The following DOK6 variants were observed in gnomAD, a reference collection of about 807,000 sequenced individuals.
DOK6 encodes downstream of tyrosine kinase 6.
In DOK6, 22 loss-of-function variants were observed where a neutral mutation model predicts 44.0. That is an observed-to-expected ratio of 0.50 (90% CI 0.36 to 0.71). The LOEUF (loss-of-function observed/expected upper bound fraction) is 0.71, where lower values mean the gene tolerates loss of function less well. DOK6 is among the 30% of genes least tolerant of loss of function. The probability of loss-of-function intolerance (pLI) is 0.00; values close to 1 mark genes in which losing one functional copy is unlikely to be tolerated. For missense variants in DOK6, 340 were observed against 416.4 expected, an observed-to-expected ratio of 0.82 and a Z score of 1.60; for synonymous variants, 166 against 145.5, an observed-to-expected ratio of 1.14 and a Z score of -1.01.
At chr18:69,714,328 A>C (rs1262547930) in intron 5 of DOK6, among the ~76,000 whole-genome samples, 1 of 152,146 alleles carries the variant, frequency 6.6e-6, no homozygotes, top group East Asian at 1.9e-4. Context: ...GAGCCAGACA[A>C]TGCACACCCG....
At chr18:69,758,938 A>G (rs887740467) in intron 7 of DOK6, among the ~76,000 whole-genome samples, 1 of 152,218 alleles carries the variant, frequency 6.6e-6, no homozygotes, top group African/African-American at 2.4e-5. Flanking sequence ...CAGGGTTTCC[A>G]AACTAGACTA....
chr18:69,576,330 C>T (rs1983238222), intron 2 of DOK6, among the ~76,000 whole-genome samples: 3 of 151,360 alleles, frequency 2.0e-5, no homozygotes, highest in Admixed American at 6.6e-5. Flanking sequence ...TGTAACTAAG[C>T]AGTTACTTTG....
At chr18:69,707,333 T>G (rs1986656859) in intron 5 of DOK6, among the ~76,000 whole-genome samples, 1 of 152,226 alleles carries the variant, frequency 6.6e-6, no homozygotes, top group South Asian at 2.1e-4. Context: ...TGGAAAAAAC[T>G]ACTTTAAAGT....
intron 7 of DOK6, among the ~76,000 whole-genome samples, chr18:69,795,235 C>T (rs1286068076): frequency 2.0e-5 from 3 of 152,024 alleles, no homozygotes; most frequent in Non-Finnish European, 1.5e-5. Context: ...TCTTAAACAA[C>T]CAAGACAAGC....
chr18:69,745,592 A>C (rs1249302096), intron 6 of DOK6, among the ~76,000 whole-genome samples: 2 of 152,208 alleles, frequency 1.3e-5, no homozygotes, highest in Non-Finnish European at 2.9e-5. Flanking sequence ...GGATGTGTTC[A>C]GTGAACACAG....
intron 7 of DOK6, among the ~76,000 whole-genome samples, chr18:69,821,344 A>C (rs1662634783): frequency 6.6e-6 from 1 of 152,156 alleles, no homozygotes; most frequent in Non-Finnish European, 1.5e-5. Flanking sequence ...TTATGTCTGC[A>C]TCTTTTAGGT....
intron 3 of DOK6, among the ~76,000 whole-genome samples, chr18:69,602,654 T>C (rs929480539): frequency 3.3e-5 from 5 of 152,200 alleles, no homozygotes; most frequent in Non-Finnish European, 5.9e-5. Flanking sequence ...TAATAGAAGA[T>C]AGATATAGGC....
At chr18:69,716,480 C>T (rs1300956013) in intron 5 of DOK6, among the ~76,000 whole-genome samples, 3 of 152,124 alleles carry the variant, frequency 2.0e-5, no homozygotes, top group Non-Finnish European at 4.4e-5. Flanking sequence ...AAAACCTTAA[C>T]CCCTGAAATA....
intron 1 of DOK6, among the ~76,000 whole-genome samples, chr18:69,540,525 C>T (rs1982240425): frequency 6.6e-6 from 1 of 152,038 alleles, no homozygotes; most frequent in Non-Finnish European, 1.5e-5. Flanking sequence ...CTTGGTGGAT[C>T]CTTGTATTAA....
At chr18:69,718,561 T>A (rs891458144) in intron 5 of DOK6, among the ~76,000 whole-genome samples, 36 of 152,164 alleles carry the variant, frequency 2.4e-4, no homozygotes, top group African/African-American at 8.4e-4. Flanking sequence ...AGAAATTGTT[T>A]CTCTACCATT....
intron 1 of DOK6, among the ~76,000 whole-genome samples, chr18:69,534,541 G>T (rs1982068599): frequency 6.6e-6 from 1 of 150,488 alleles, no homozygotes. Context: ...TTTATGCATG[G>T]GAACTGATTC....
chr18:69,828,443 A>T (rs1285264921), intron 7 of DOK6, among the ~76,000 whole-genome samples: 1 of 151,888 alleles, frequency 6.6e-6, no homozygotes, highest in Non-Finnish European at 1.5e-5. Context: ...AGTTGTAGAA[A>T]ATTAATATCT....
intron 3 of DOK6, among the ~76,000 whole-genome samples, chr18:69,638,993 T>TTATAATC (rs1984877337): frequency 6.6e-6 from 1 of 152,234 alleles, no homozygotes; most frequent in Non-Finnish European, 1.5e-5. Flanking sequence ...TTTTGTTTTT[T>TTATAATC]CTTTTTTTAT....
At chr18:69,578,706 G>A (rs1192574662) in intron 2 of DOK6, among the ~76,000 whole-genome samples, 1 of 152,112 alleles carries the variant, frequency 6.6e-6, no homozygotes, top group Non-Finnish European at 1.5e-5. Context: ...TATGACAGAT[G>A]CAACAGGAGA....
intron 6 of DOK6, among the ~76,000 whole-genome samples, chr18:69,745,077 T>C (rs1041565049): frequency 2.0e-5 from 3 of 152,106 alleles, no homozygotes; most frequent in Non-Finnish European, 2.9e-5. Context: ...TGAGTAAAAA[T>C]TAGACTATCA....
chr18:69,592,867 T>C (rs1983653863), intron 2 of DOK6, among the ~76,000 whole-genome samples: 1 of 152,158 alleles, frequency 6.6e-6, no homozygotes, highest in Non-Finnish European at 1.5e-5. Context: ...TTATGTTACA[T>C]TGACAGGTTT....
intron 3 of DOK6, among the ~76,000 whole-genome samples, chr18:69,602,663 G>C (rs973595841): frequency 3.3e-5 from 5 of 152,008 alleles, no homozygotes; most frequent in Admixed American, 2.6e-4. Context: ...ATAGATATAG[G>C]CTATATAGGA....
At chr18:69,451,151 G>A (rs1200331959) in intron 1 of DOK6, among the ~76,000 whole-genome samples, 1 of 149,040 alleles carries the variant, frequency 6.7e-6, no homozygotes, top group Non-Finnish European at 1.5e-5. Flanking sequence ...TCAGTGTGCT[G>A]TATTCAGGAA....
At chr18:69,416,205 GGAAGGAAC>G (rs1568250445) in intron 1 of DOK6, among the ~76,000 whole-genome samples, 7 of 145,662 alleles carry the variant, frequency 4.8e-5, no homozygotes, top group African/African-American at 1.9e-4. Flanking sequence ...AAGGAAGGAA[GGAAGGAAC>G]GAAGGAAGGA....
Sources: gnomAD v4.1 joint callset for allele counts (sites outside exome capture counted in the v4.1 genomes callset) on GRCh38, gnomAD v4.1.1 for gene constraint, MANE v1.5 for transcripts, NCBI Gene and HGNC (gene_info 2026-07-23, HGNC 2026-07-21) for gene names.